The following ZDHHC21 variants were observed in gnomAD, a reference collection of about 807,000 sequenced individuals.
ZDHHC21 encodes the protein palmitoyltransferase ZDHHC21.
ZDHHC21 carries 15 observed loss-of-function variants against 34.6 expected under a neutral mutation model. The ratio of observed to expected loss-of-function variants is 0.43; its 90% CI spans 0.29 to 0.67. The LOEUF is 0.67. Ranked by LOEUF, ZDHHC21 falls within the 30% of genes least tolerant of loss-of-function variation. The pLI, the probability that ZDHHC21 is intolerant of heterozygous loss-of-function variation, is 0.14. For synonymous variants in ZDHHC21, 142 were observed against 101.8 expected (o/e 1.40, Z -2.38); for missense variants, 344 against 327.7 (o/e 1.05, Z -0.38).
the ZDHHC21 span, chr9:14,589,958 G>A: frequency 7.0e-4 from 106 of 152,042 alleles, 5 homozygotes; most frequent in Non-Finnish European, 5.9e-5. Context: ...ACCATGATGA[G>A]GAAGAAAGTT....
chr9:14,670,185 G>C (rs1835204265), intron 5 of ZDHHC21, among the ~76,000 whole-genome samples: 1 of 151,978 alleles, frequency 6.6e-6, no homozygotes, highest in South Asian at 2.1e-4. Flanking sequence ...TTCATTATTG[G>C]TAATTTCTGA....
chr9:14,619,528 C>A, intron 9 of ZDHHC21, 111 bp downstream of exon 9: 1 of 926,614 alleles, frequency 1.1e-6, no homozygotes, highest in Non-Finnish European at 1.6e-6. Context: ...AGACAATGCA[C>A]CAAGAAAAAG....
chr9:14,598,381 A>G, the ZDHHC21 span, among the ~76,000 whole-genome samples: 1 of 152,168 alleles, frequency 6.6e-6, no homozygotes, highest in African/African-American at 2.4e-5. Context: ...CGACTATACT[A>G]CTGTGCCCAC....
chr9:14,605,073 T>A, the ZDHHC21 span, among the ~76,000 whole-genome samples: 6 of 152,208 alleles, frequency 3.9e-5, no homozygotes, highest in Admixed American at 6.5e-5. Flanking sequence ...CATTCCATTG[T>A]ACGTATATAC....
chr9:14,591,104 T>A, the ZDHHC21 span, among the ~76,000 whole-genome samples: 2 of 152,100 alleles, frequency 1.3e-5, no homozygotes, highest in Non-Finnish European at 2.9e-5. Context: ...AAAAGAGGTA[T>A]ACCTCATAAA....
At chr9:14,649,015 T>C (rs1830752583) in intron 7 of ZDHHC21, among the ~76,000 whole-genome samples, 1 of 151,970 alleles carries the variant, frequency 6.6e-6, no homozygotes, top group East Asian at 1.9e-4. Flanking sequence ...GGCTGGATAA[T>C]GTTTTGTTAC....
the ZDHHC21 span, among the ~76,000 whole-genome samples, chr9:14,596,927 G>C: frequency 6.6e-6 from 1 of 152,118 alleles, no homozygotes; most frequent in Non-Finnish European, 1.5e-5. Flanking sequence ...GAAGGAGAGA[G>C]AAGTGAAGCA....
the ZDHHC21 span, among the ~76,000 whole-genome samples, chr9:14,591,184 A>G: frequency 3.9e-5 from 6 of 152,188 alleles, no homozygotes; most frequent in East Asian, 1.9e-4. Context: ...AAAAGGGAAC[A>G]AAGAACAGAT....
intron 8 of ZDHHC21, among the ~76,000 whole-genome samples, chr9:14,632,806 C>T (rs907533121): frequency 6.6e-6 from 1 of 151,976 alleles, no homozygotes; most frequent in African/African-American, 2.4e-5. Context: ...CAAAGATATA[C>T]AAATGGACAA....
At chr9:14,659,162 G>A (rs1832903600) in intron 6 of ZDHHC21, among the ~76,000 whole-genome samples, 1 of 152,146 alleles carries the variant, frequency 6.6e-6, no homozygotes, top group African/African-American at 2.4e-5. Flanking sequence ...GTAGTCTCCT[G>A]TGTCACTGAT....
chr9:14,595,325 C>T, the ZDHHC21 span, among the ~76,000 whole-genome samples: 1 of 152,046 alleles, frequency 6.6e-6, no homozygotes, highest in East Asian at 1.9e-4. Context: ...TTCTGTTCAA[C>T]AATAAAAAGG....
chr9:14,591,391 C>A, the ZDHHC21 span, among the ~76,000 whole-genome samples: 1 of 152,078 alleles, frequency 6.6e-6, no homozygotes, highest in Non-Finnish European at 1.5e-5. Flanking sequence ...GTCCCTTCTG[C>A]CACTGAGAAT....
At chr9:14,600,382 T>C in the ZDHHC21 span, among the ~76,000 whole-genome samples, 3 of 152,112 alleles carry the variant, frequency 2.0e-5, no homozygotes, top group African/African-American at 7.2e-5. Flanking sequence ...AACCAAATCA[T>C]GCATGAACTC....
At chr9:14,667,326 A>C (rs1834638678) in intron 5 of ZDHHC21, among the ~76,000 whole-genome samples, 1 of 150,544 alleles carries the variant, frequency 6.6e-6, no homozygotes, top group African/African-American at 2.4e-5. Context: ...TGAATAGACG[A>C]ATAACAGGAG....
intron 3 of ZDHHC21, among the ~76,000 whole-genome samples, chr9:14,676,912 AT>A (rs1236392477): frequency 6.6e-6 from 1 of 151,946 alleles, no homozygotes; most frequent in Middle Eastern, 3.2e-3. Context: ...TCTTTCTTTA[AT>A]TTTTCAGTTC....
rs1824516353 is a variant in ZDHHC21, at chr9:14,617,779, C to T, written c.*1187G>A. ...TGATAAACACAGATCATTATATTTT[C>T]TTATTTTAGGTTCACTTCCTAACAC... On this transcript the variant is annotated 3_prime_UTR_variant, in exon 10 of 10. Transcript: ENST00000380916. 6.6e-6 allele frequency: 1 copy of T among 151,884 alleles called. No individual in the cohort carries two copies. Among genetic ancestry groups the T allele is most frequent in the African/African-American group, 2.4e-5 (1 of 41,402 alleles). 9.4% of individuals were successfully genotyped at this position (151,884 alleles called of 1,614,324 possible). A position where few individuals can be genotyped will look rare whatever the true frequency, so the allele number is the denominator to read the frequency against.
chr9:14,672,321 A>T (rs984214545), intron 5 of ZDHHC21, among the ~76,000 whole-genome samples: 2 of 151,306 alleles, frequency 1.3e-5, no homozygotes, highest in Non-Finnish European at 3.0e-5. Flanking sequence ...AAAATTTTGT[A>T]TTTTTTTTTA....
chr9:14,690,505 C>G lies in ZDHHC21; in HGVS notation c.-224-120G>C, dbSNP rs923859967. The G allele has an allele frequency of 3.7e-5, 14 of 375,824 alleles. No homozygotes were observed. In the Admixed American group the frequency reaches 4.9e-4, roughly 13 times the overall value. The allele number at this position is 375,824 out of a possible 1,614,324, so 23.3% of individuals were successfully genotyped here. A position where few individuals can be genotyped will look rare whatever the true frequency, so the allele number is the denominator to read the frequency against. On this transcript the variant is annotated intron_variant, in intron 1 of 9. Coordinates refer to ENST00000380916, the MANE Select transcript of ZDHHC21 (RefSeq NM_178566.6). ...TGGTAAAATATCAATTTTACCCAACCTGCCCTTTTGTAGAAGGGGCAACAC... is the reference window on the plus strand; with the variant it reads ...TGGTAAAATATCAATTTTACCCAACGTGCCCTTTTGTAGAAGGGGCAACAC...
In ZDHHC21 at chr9:14,619,057, A is replaced by G. The variant is rs1463579984; in HGVS notation, c.707T>C (p.Val236Ala). Reference sequence around the variant, plus strand: ...CAGGATCTTCCAACGAGTGCCAAAAACTTCTGAGAAGGTCTGCTGCCATGG... The same window carrying G: ...CAGGATCTTCCAACGAGTGCCAAAAGCTTCTGAGAAGGTCTGCTGCCATGG... ...RKPWQQTFSE[V>A]FGTRWKILWF... The change falls in exon 10 of 10, where the codon GTT becomes GCT. Residue 236 changes from valine to alanine, a missense_variant. Physicochemically the swap from Val to Ala is moderately conservative, Grantham distance 64. Coordinates refer to ENST00000380916, the MANE Select transcript of ZDHHC21 (RefSeq NM_178566.6). 7 of 1,611,922 alleles carry G rather than the reference A, an allele frequency of 4.3e-6. No homozygotes were observed.
Sources: allele counts gnomAD v4.1 joint callset (sites outside exome capture counted in the v4.1 genomes callset), GRCh38; gene constraint gnomAD v4.1.1; transcripts MANE v1.5; gene names NCBI Gene and HGNC (gene_info 2026-07-23, HGNC 2026-07-21).